KCNIP4: variants seen among roughly 807,000 people sequenced by gnomAD.
The protein encoded by KCNIP4 is Kv channel-interacting protein 4.
A neutral mutation model predicts 34.0 loss-of-function variants in KCNIP4; 12 were observed. The ratio of observed to expected loss-of-function variants is 0.35; its 90% CI spans 0.23 to 0.57. The LOEUF (loss-of-function observed/expected upper bound fraction) is 0.57, where lower values mean the gene tolerates loss of function less well. Ranked by LOEUF, KCNIP4 falls within the 20% of genes least tolerant of loss-of-function variation. KCNIP4 has a pLI of 0.83. For missense variants in KCNIP4, 238 were observed against 311.7 expected, an observed-to-expected ratio of 0.76 and a Z score of 1.78; for synonymous variants, 124 against 102.2, an observed-to-expected ratio of 1.21 and a Z score of -1.29.
At chr4:20,882,841 G>T (rs1295508746) in intron 1 of KCNIP4, 132 bp from the exon 2 acceptor site, 3 of 564,776 alleles carry the variant, frequency 5.3e-6, no homozygotes, top group Non-Finnish European at 9.2e-6. Context: ...ACAGGCAGTG[G>T]GTTGGGACCC....
intron 1 of KCNIP4, among the ~76,000 whole-genome samples, chr4:21,840,966 G>T (rs773068430): frequency 6.6e-6 from 1 of 152,078 alleles, no homozygotes; most frequent in Admixed American, 6.6e-5. Flanking sequence ...ATATCATGGG[G>T]ATATTTTCCT....
chr4:21,585,479 A>G (rs1438583306), intron 1 of KCNIP4, among the ~76,000 whole-genome samples: 1 of 152,154 alleles, frequency 6.6e-6, no homozygotes, highest in African/African-American at 2.4e-5. Flanking sequence ...ACTGAAATTA[A>G]GTGAAAACAA....
intron 1 of KCNIP4, among the ~76,000 whole-genome samples, chr4:20,963,431 T>A (rs368376115): frequency 5.9e-5 from 9 of 152,152 alleles, no homozygotes; most frequent in African/African-American, 2.2e-4. Context: ...TCCTATTATA[T>A]GAACACTTTT....
chr4:21,483,118 C>A (rs1267297411), intron 1 of KCNIP4, among the ~76,000 whole-genome samples: 1 of 150,516 alleles, frequency 6.6e-6, no homozygotes, highest in Non-Finnish European at 1.5e-5. Context: ...AGGAGATATA[C>A]CTAATGTAAA....
intron 1 of KCNIP4, among the ~76,000 whole-genome samples, chr4:21,508,697 C>T (rs911614872): frequency 7.2e-5 from 11 of 152,144 alleles, no homozygotes; most frequent in Non-Finnish European, 2.9e-5. Flanking sequence ...AGGTCTGGTA[C>T]CATTCTTCTC....
At chr4:21,560,174 C>T (rs968564964) in intron 1 of KCNIP4, among the ~76,000 whole-genome samples, 1 of 151,966 alleles carries the variant, frequency 6.6e-6, no homozygotes, top group Non-Finnish European at 1.5e-5. Flanking sequence ...TTACAAGCGC[C>T]TAAATTGAAC....
intron 1 of KCNIP4, among the ~76,000 whole-genome samples, chr4:21,398,902 A>T (rs138852608): frequency 0.024 from 3,603 of 152,310 alleles, 66 homozygotes; most frequent in Middle Eastern, 0.1. Flanking sequence ...CTGATCAATC[A>T]AATTAAAGCA....
chr4:21,582,027 AGAATGGAATGGAATGGAATGGAATG>A lies in KCNIP4; in HGVS notation c.61+366519_61+366543del, dbSNP rs570570638. ...ATAGAAGAATAGAATAGAATAGAAT[AGAATGGAATGGAATGGAATGGAATG>A]GAATGGAATGGAATGGAATGGAATG... On this transcript the variant is annotated intron_variant, in intron 1 of 8. Transcript: ENST00000382152. The A allele has an allele frequency of 5.2e-4, 59 of 113,174 alleles. 1 individual carries two copies. The highest frequency in any genetic ancestry group is 1.9e-3 in the African/African-American group (51 of 26,672). The allele number at this position is 113,174 out of a possible 1,614,324, so 7.0% of individuals were successfully genotyped here.
chr4:20,730,586 G>A (rs1578401014), intron 8 of KCNIP4, among the ~76,000 whole-genome samples: 1 of 151,608 alleles, frequency 6.6e-6, no homozygotes, highest in South Asian at 2.1e-4. Flanking sequence ...TAGGAGGCAG[G>A]GTGGTGGATT....
At chr4:21,589,959 T>C (rs896647593) in intron 1 of KCNIP4, among the ~76,000 whole-genome samples, 7 of 152,030 alleles carry the variant, frequency 4.6e-5, no homozygotes, top group Admixed American at 2.0e-4. Context: ...GGTTTAGTGA[T>C]GATGCCATGT....
At chr4:21,225,067 C>G (rs1758279068) in intron 1 of KCNIP4, among the ~76,000 whole-genome samples, 1 of 152,094 alleles carries the variant, frequency 6.6e-6, no homozygotes, top group Admixed American at 6.6e-5. Context: ...CTATGTTAAG[C>G]TATGATATCT....
chr4:20,796,453 T>C (rs562237616), intron 3 of KCNIP4, among the ~76,000 whole-genome samples: 22 of 152,288 alleles, frequency 1.4e-4, no homozygotes, highest in African/African-American at 5.1e-4. Context: ...GTAGTGTGTG[T>C]AATGTGTTGG....
intron 3 of KCNIP4, among the ~76,000 whole-genome samples, chr4:20,771,376 T>C (rs1177709467): frequency 1.3e-5 from 2 of 152,212 alleles, no homozygotes; most frequent in East Asian, 3.9e-4. Flanking sequence ...CACATTTTCC[T>C]CATGTGTAAG....
At chr4:21,617,237 A>G (rs999251023) in intron 1 of KCNIP4, among the ~76,000 whole-genome samples, 3 of 152,236 alleles carry the variant, frequency 2.0e-5, no homozygotes, top group Admixed American at 2.0e-4. Flanking sequence ...ATATCAATAA[A>G]TCATAAGAAA....
chr4:21,067,562 A>C (rs532764513), intron 1 of KCNIP4, among the ~76,000 whole-genome samples: 2 of 152,170 alleles, frequency 1.3e-5, no homozygotes, highest in African/African-American at 4.8e-5. Flanking sequence ...GAAAGAACTC[A>C]TCACACTAAA....
At chr4:21,319,823 G>A (rs777288500) in intron 1 of KCNIP4, among the ~76,000 whole-genome samples, 4 of 152,106 alleles carry the variant, frequency 2.6e-5, no homozygotes, top group African/African-American at 9.7e-5. Flanking sequence ...AAAACTGGTC[G>A]TGTCCCACTA....
At chr4:20,779,922 G>A (rs1005719214) in intron 3 of KCNIP4, among the ~76,000 whole-genome samples, 8 of 152,156 alleles carry the variant, frequency 5.3e-5, no homozygotes, top group Non-Finnish European at 1.0e-4. Flanking sequence ...TTGGCTCAGT[G>A]ATATTAATTT....
chr4:20,974,181 G>A (rs954453787), intron 1 of KCNIP4, among the ~76,000 whole-genome samples: 1 of 152,132 alleles, frequency 6.6e-6, no homozygotes, highest in African/African-American at 2.4e-5. Context: ...GTATCATTGA[G>A]CCTGGGTAAC....
intron 1 of KCNIP4, among the ~76,000 whole-genome samples, chr4:21,030,943 T>G (rs1740969702): frequency 6.6e-6 from 1 of 152,180 alleles, no homozygotes; most frequent in Non-Finnish European, 1.5e-5. Flanking sequence ...CATTCAGAGC[T>G]ACAGCTGTCC....
Sources: gnomAD v4.1 joint callset for allele counts (sites outside exome capture counted in the v4.1 genomes callset) on GRCh38, gnomAD v4.1.1 for gene constraint, MANE v1.5 for transcripts, NCBI Gene and HGNC (gene_info 2026-07-23, HGNC 2026-07-21) for gene names.